Variants in ZNG1F observed in about 807,000 individuals in gnomAD.
ZNG1F encodes zinc-regulated GTPase metalloprotein activator 1F.
the ZNG1F span, among the ~76,000 whole-genome samples, chr9:41,156,005 T>A: frequency 0.94 from 93,683 of 99,156 alleles, 44,978 homozygotes; most frequent in Middle Eastern, 1. Context: ...TTTAAAAAAA[T>A]CTCAAGAAAA....
chr9:41,150,509 C>T, the ZNG1F span, among the ~76,000 whole-genome samples: 37 of 113,050 alleles, frequency 3.3e-4, no homozygotes, highest in Non-Finnish European at 5.3e-4. Context: ...TAGGCTCCAC[C>T]TCTGGGGGCA....
chr9:41,185,599 G>A, the ZNG1F span, among the ~76,000 whole-genome samples: 17 of 151,546 alleles, frequency 1.1e-4, no homozygotes, highest in Admixed American at 1.3e-4. Flanking sequence ...CTTTAACCCG[G>A]GAGACAGAGG....
At chr9:41,139,711 AC>A in the ZNG1F span, among the ~76,000 whole-genome samples, 1 of 151,792 alleles carries the variant, frequency 6.6e-6, no homozygotes, top group Non-Finnish European at 1.5e-5. Context: ...GACACTAACA[AC>A]CACCTAAATG....
At chr9:41,169,225 A>G in the ZNG1F span, among the ~76,000 whole-genome samples, 1 of 151,222 alleles carries the variant, frequency 6.6e-6, no homozygotes, top group Non-Finnish European at 1.5e-5. Context: ...TTCCCAAATC[A>G]AACTCTGCAA....
At chr9:41,162,768 TACATGGTAGAAATGGCTATATACAC>T in the ZNG1F span, among the ~76,000 whole-genome samples, 1 of 111,426 alleles carries the variant, frequency 9.0e-6, no homozygotes, top group African/African-American at 3.1e-5. Context: ...TCCTCAGGCA[TACATGGTAGAAATGGCTATATACAC>T]ACTAAAAATA....
chr9:41,192,558 T>A, the ZNG1F span, among the ~76,000 whole-genome samples: 1 of 43,834 alleles, frequency 2.3e-5, no homozygotes, highest in Admixed American at 3.4e-4. Context: ...CACTGCAACC[T>A]CTGTCTCCGG....
chr9:41,185,237 T>C, the ZNG1F span, among the ~76,000 whole-genome samples: 1 of 138,268 alleles, frequency 7.2e-6, no homozygotes, highest in African/African-American at 2.6e-5. Flanking sequence ...ACCATATGTT[T>C]ACTTTCTTTT....
chr9:41,183,573 C>T, the ZNG1F span: 7 of 1,595,366 alleles, frequency 4.4e-6, 1 homozygote, highest in East Asian at 1.4e-4. Context: ...CTTCACTGAA[C>T]AGCAGAGGCA....
the ZNG1F span, among the ~76,000 whole-genome samples, chr9:41,193,436 C>T: frequency 7.2e-6 from 1 of 138,576 alleles, no homozygotes; most frequent in Admixed American, 7.6e-5. Flanking sequence ...AATGGAGTCG[C>T]TCATGCTAAG....
At chr9:41,169,862 T>A in the ZNG1F span, among the ~76,000 whole-genome samples, 1 of 143,468 alleles carries the variant, frequency 7.0e-6, no homozygotes, top group African/African-American at 2.7e-5. Flanking sequence ...GCTGGGGGGT[T>A]AGAGAGAGAA....
the ZNG1F span, chr9:41,177,671 CCAAT>C: frequency 9.1e-6 from 1 of 110,100 alleles, no homozygotes; most frequent in Non-Finnish European, 1.8e-5. Context: ...AGAAATCCAG[CCAAT>C]CAAACACTAG....
At chr9:41,138,893 T>TA in the ZNG1F span, among the ~76,000 whole-genome samples, 130 of 122,590 alleles carry the variant, frequency 1.1e-3, 9 homozygotes, top group African/African-American at 3.1e-3. Flanking sequence ...TCTTTTTTTT[T>TA]TATATATATA....
chr9:41,172,954 GCA>G, the ZNG1F span, among the ~76,000 whole-genome samples: 1 of 92,416 alleles, frequency 1.1e-5, no homozygotes, highest in African/African-American at 4.3e-5. Context: ...TGAGTGGCTA[GCA>G]CTATTTTAAG....
At chr9:41,132,052 A>G in the ZNG1F span, 105 of 1,463,030 alleles carry the variant, frequency 7.2e-5, 3 homozygotes, top group Admixed American at 1.3e-4. Context: ...GAAGAAGAAC[A>G]AAAGTCCTAA....
the ZNG1F span, chr9:41,156,865 TG>T: frequency 7.9e-6 from 1 of 127,170 alleles, no homozygotes; most frequent in African/African-American, 3.1e-5. Flanking sequence ...AATATAAAAA[TG>T]AGGAGTCAAA....
the ZNG1F span, among the ~76,000 whole-genome samples, chr9:41,154,863 T>C: frequency 6.7e-6 from 1 of 149,624 alleles, no homozygotes; most frequent in Non-Finnish European, 1.5e-5. Flanking sequence ...TCAAGATGGA[T>C]TAAAGACTTA....
the ZNG1F span, among the ~76,000 whole-genome samples, chr9:41,193,510 TCTC>T: frequency 2.0e-5 from 3 of 149,938 alleles, no homozygotes; most frequent in African/African-American, 7.4e-5. Flanking sequence ...TTTTTTTTCT[TCTC>T]CTGAAGACAG....
chr9:41,140,902 T>C, the ZNG1F span, among the ~76,000 whole-genome samples: 1 of 147,552 alleles, frequency 6.8e-6, no homozygotes, highest in African/African-American at 2.5e-5. Context: ...ATTTTTTGTA[T>C]TTTTTGCAGA....
the ZNG1F span, among the ~76,000 whole-genome samples, chr9:41,186,965 G>GA: frequency 7.3e-6 from 1 of 136,358 alleles, no homozygotes; most frequent in Non-Finnish European, 1.6e-5. Context: ...GTATGGAAGA[G>GA]AGAGACTTAG....
Sources: gnomAD v4.1 joint callset for allele counts (sites outside exome capture counted in the v4.1 genomes callset) on GRCh38, gnomAD v4.1.1 for gene constraint, MANE v1.5 for transcripts, NCBI Gene and HGNC (gene_info 2026-07-23, HGNC 2026-07-21) for gene names.